Variants in XPNPEP2 observed in about 807,000 individuals in gnomAD.
XPNPEP2 encodes the protein X-prolyl aminopeptidase 2.
A neutral mutation model predicts 59.8 loss-of-function variants in XPNPEP2; 64 were observed. The ratio of observed to expected loss-of-function variants is 1.07; its 90% CI spans 0.87 to 1.32. The LOEUF (loss-of-function observed/expected upper bound fraction) is 1.32, where lower values mean the gene tolerates loss of function less well. Ranked by LOEUF, XPNPEP2 falls within the 40% of genes most tolerant of loss-of-function variation. XPNPEP2 has a pLI of 0.00. For missense variants in XPNPEP2, 575 were observed against 546.8 expected, an observed-to-expected ratio of 1.05 and a Z score of -0.51; for synonymous variants, 235 against 210.0, an observed-to-expected ratio of 1.12 and a Z score of -1.03.
At chrX:129,742,359 G>T (rs1321279917) in intron 2 of XPNPEP2, among the ~76,000 whole-genome samples, 178 bp downstream of exon 2, 1 of 104,734 alleles carries the variant, frequency 9.5e-6, no homozygotes, top group African/African-American at 3.5e-5. Flanking sequence ...CCGGACTCTT[G>T]GGCCCCTCCC....
intron 18 of XPNPEP2, 139 bp downstream of exon 18, chrX:129,762,204 C>T (rs1005101900): frequency 8.0e-6 from 5 of 622,735 alleles, no homozygotes; most frequent in Admixed American, 5.3e-5. Context: ...CCATTCCCAC[C>T]GCTACGCCCA....
chrX:129,750,859 A>G (rs966114838), intron 8 of XPNPEP2, among the ~76,000 whole-genome samples: 1 of 111,895 alleles, frequency 8.9e-6, no homozygotes, highest in Non-Finnish European at 1.9e-5. Flanking sequence ...TAAGGGGAGG[A>G]GGACCAGGAA....
intron 19 of XPNPEP2, among the ~76,000 whole-genome samples, chrX:129,763,468 G>A (rs1224473825): frequency 9.0e-6 from 1 of 111,511 alleles, no homozygotes; most frequent in African/African-American, 3.3e-5. Context: ...AGGAGTTTGA[G>A]AGCAGCCTGG....
intron 7 of XPNPEP2, among the ~76,000 whole-genome samples, chrX:129,749,469 T>C (rs1926354927): frequency 2.7e-5 from 3 of 113,052 alleles, no homozygotes; most frequent in Admixed American, 1.9e-4. Flanking sequence ...TACAAAAATG[T>C]ATTGTACCCA....
chrX:129,761,351 G>A, intron 17 of XPNPEP2, 75 bp downstream of exon 17: 1 of 916,633 alleles, frequency 1.1e-6, no homozygotes, highest in Non-Finnish European at 1.5e-6. Flanking sequence ...AATTTCACAG[G>A]TATGGAAATG....
Position 129,758,498 on chromosome X carries a change from A to G in XPNPEP2, c.1368-682A>G, listed in dbSNP as rs1451902400. Among the ~76,000 whole-genome samples, 4 of 111,550 alleles carry G rather than the reference A, an allele frequency of 3.6e-5. No individual in the cohort carries two copies. In the East Asian group the frequency reaches 8.4e-4, roughly 23 times the overall value. On this transcript the variant is annotated intron_variant, in intron 14 of 20. Transcript: ENST00000371106. The stretch of plus-strand genomic sequence containing the variant: ...AGGGGCCATCTGTGGCAACTGCTGC[A>G]GCTGGGAGTTGGGAGTCAGACCTTG...
At chrX:129,739,471 A>G (rs754538900) in intron 1 of XPNPEP2, among the ~76,000 whole-genome samples, 108 of 111,780 alleles carry the variant, frequency 9.7e-4, no homozygotes, top group African/African-American at 3.4e-3. Flanking sequence ...CCCGTTATAG[A>G]AAAAAAATAT....
rs949960363 is a variant in XPNPEP2, at chrX:129,767,685, C to T, written c.1823C>T (p.Pro608Leu). Residue 608 changes from proline (P) to leucine (L), a missense_variant, in exon 20 of 21, where the codon CCC becomes CTC. Transcript: ENST00000371106. Reference protein sequence around the residue: ...RNLIDVSLLSPEHLQYLNRYY... With the variant: ...RNLIDVSLLSLEHLQYLNRYY... ...CTCATCGATGTCAGCCTGCTGTCTC[C>T]CGAGCATGTGAGTGCCCCTCAGCAT... The T allele has an allele frequency of 3.3e-6, 4 of 1,209,498 alleles. No individual in the cohort carries two copies. Among genetic ancestry groups the T allele is most frequent in the Non-Finnish European group, 4.5e-6 (4 of 894,924 alleles).
chrX:129,768,374 C>T lies in XPNPEP2; in HGVS notation c.1914C>T (p.Phe638=), dbSNP rs1341831223. 8.3e-6 allele frequency: 10 copies of T among 1,210,015 alleles called. No homozygotes were observed. The highest frequency in any genetic ancestry group is 8.9e-6 in the Non-Finnish European group (8 of 894,757). Residue 638 remains phenylalanine, a synonymous_variant, in exon 21 of 21, where the codon TTC becomes TTT. Coordinates refer to ENST00000371106, the MANE Select transcript of XPNPEP2 (RefSeq NM_003399.6). ...AGAGGCGCCAGCTACTAGAGGAGTT[C>T]GAGTGGCTTCAACAGCACACAGAGC... is the stretch of plus-strand genomic sequence containing the variant. ...ELQRRQLLEE[F]EWLQQHTEPL...
At chrX:129,762,539 G>A (rs1350613972) in intron 18 of XPNPEP2, among the ~76,000 whole-genome samples, 155 bp from the exon 19 acceptor site, 1 of 111,779 alleles carries the variant, frequency 8.9e-6, no homozygotes, top group Non-Finnish European at 1.9e-5. Context: ...CCTCTGCTTA[G>A]CCAACAAACA....
chrX:129,741,008 C>G (rs1409747329), intron 1 of XPNPEP2, among the ~76,000 whole-genome samples: 2 of 109,054 alleles, frequency 1.8e-5, no homozygotes, highest in Non-Finnish European at 3.8e-5. Context: ...CCATTACCAT[C>G]TAGGGAAATC....
At chrX:129,746,436 C>A in intron 5 of XPNPEP2, 96 bp downstream of exon 5, 1 of 968,570 alleles carries the variant, frequency 1.0e-6, no homozygotes, top group Non-Finnish European at 1.5e-6. Context: ...CCATGCTGGG[C>A]CTCTATGGGG....
intron 4 of XPNPEP2, among the ~76,000 whole-genome samples, chrX:129,745,741 G>A (rs994792542): frequency 9.0e-6 from 1 of 111,563 alleles, no homozygotes; most frequent in Non-Finnish European, 1.9e-5. Flanking sequence ...GCCTCGCACC[G>A]TGATCCTGGC....
chrX:129,758,253 G>A (rs1933388759), intron 14 of XPNPEP2, among the ~76,000 whole-genome samples: 1 of 112,079 alleles, frequency 8.9e-6, no homozygotes, highest in South Asian at 3.7e-4. Context: ...GGAGTTCGAT[G>A]CTGTGTGTAC....
At chrX:129,751,098 T>TC (rs1205828256) in intron 8 of XPNPEP2, among the ~76,000 whole-genome samples, 48 of 16,090 alleles carry the variant, frequency 3.0e-3, no homozygotes, top group Non-Finnish European at 5.4e-3. Flanking sequence ...AGACGCCCAC[T>TC]CCCCCACCCC....
intron 11 of XPNPEP2, among the ~76,000 whole-genome samples, chrX:129,754,059 T>TA (rs1569476847): frequency 9.0e-6 from 1 of 111,652 alleles, no homozygotes; most frequent in African/African-American, 3.3e-5. Flanking sequence ...CCACCTCATT[T>TA]AAAAAAAACT....
At chrX:129,765,237 C>T (rs1164452225) in intron 19 of XPNPEP2, among the ~76,000 whole-genome samples, 1 of 111,517 alleles carries the variant, frequency 9.0e-6, no homozygotes, top group Non-Finnish European at 1.9e-5. Context: ...TGTCGAAGAG[C>T]CTATAGTATG....
Position 129,762,691 on chromosome X carries a change from C to T in XPNPEP2, c.1664-3C>T. ...ATGCCACCAGCATCTCTGTGTCTCC[C>T]AGAACCTGGTTACTATAAGGATGGA... On this transcript the variant is annotated splice_polypyrimidine_tract_variant and splice_region_variant and intron_variant, in intron 18 of 20. Transcript: ENST00000371106. 1 of 1,210,976 alleles carries T rather than the reference C, an allele frequency of 8.3e-7. No individual in the cohort carries two copies. The highest frequency in any genetic ancestry group is 1.1e-6 in the Non-Finnish European group (1 of 894,674).
intron 3 of XPNPEP2, among the ~76,000 whole-genome samples, chrX:129,744,277 T>C (rs926067391): frequency 1.8e-5 from 2 of 112,231 alleles, no homozygotes; most frequent in African/African-American, 6.5e-5. Flanking sequence ...CCAAACCTCC[T>C]TAACCTCAAG....
Sources: gnomAD v4.1 joint callset for allele counts (sites outside exome capture counted in the v4.1 genomes callset) on GRCh38, gnomAD v4.1.1 for gene constraint, MANE v1.5 for transcripts, NCBI Gene and HGNC (gene_info 2026-07-23, HGNC 2026-07-21) for gene names.